SEZ6L: variants seen among roughly 807,000 people sequenced by gnomAD.
SEZ6L encodes the protein seizure 6-like protein.
Under a neutral mutation model 106.2 loss-of-function variants are expected in SEZ6L, and 37 were observed. The observed-to-expected ratio is 0.35, with a 90% CI of 0.27 to 0.46. The LOEUF (loss-of-function observed/expected upper bound fraction) is 0.46, where lower values mean the gene tolerates loss of function less well. SEZ6L is among the 20% of genes least tolerant of loss of function. SEZ6L has a pLI of 1.00. For missense variants in SEZ6L, 1,172 were observed against 1,332.8 expected, an observed-to-expected ratio of 0.88 and a Z score of 1.88; for synonymous variants, 541 against 570.4, an observed-to-expected ratio of 0.95 and a Z score of 0.73.
intron 10 of SEZ6L, among the ~76,000 whole-genome samples, chr22:26,344,961 T>C (rs2082959684): frequency 1.3e-5 from 2 of 152,216 alleles, no homozygotes; most frequent in Admixed American, 6.5e-5. Flanking sequence ...AGTTTTCTAA[T>C]TCTTAGTAAA....
At chr22:26,171,103 C>T (rs899272016) in intron 1 of SEZ6L, among the ~76,000 whole-genome samples, 4 of 152,204 alleles carry the variant, frequency 2.6e-5, no homozygotes, top group African/African-American at 9.7e-5. Context: ...CCCATCTCCC[C>T]GTCTTTTTAA....
chr22:26,236,878 G>C (rs1569407047), intron 1 of SEZ6L, among the ~76,000 whole-genome samples: 1 of 152,114 alleles, frequency 6.6e-6, no homozygotes, highest in East Asian at 1.9e-4. Flanking sequence ...TGTCCATGCA[G>C]AAGCCCCCAT....
At chr22:26,321,068 G>T (rs775608617) in intron 9 of SEZ6L, among the ~76,000 whole-genome samples, 10 of 152,228 alleles carry the variant, frequency 6.6e-5, no homozygotes, top group Non-Finnish European at 1.5e-4. Flanking sequence ...CATGTGCTAA[G>T]GTCCAGAGGC....
intron 1 of SEZ6L, among the ~76,000 whole-genome samples, chr22:26,244,933 C>T (rs1307407763): frequency 6.6e-6 from 1 of 152,132 alleles, no homozygotes; most frequent in Non-Finnish European, 1.5e-5. Context: ...TTTGCTCCTT[C>T]AGCAATGGGG....
intron 6 of SEZ6L, 31 bp downstream of exon 6, chr22:26,306,175 G>A (rs374388717): frequency 3.3e-5 from 53 of 1,604,498 alleles, no homozygotes; most frequent in Middle Eastern, 3.3e-4. Flanking sequence ...ACCCAACCCC[G>A]TTTCTTCCCA....
rs2084381354 is a variant in SEZ6L at position 26,380,522 on chromosome 22, C to CT, written c.*228dup. ...GCCTCAGCCAAATTCATGTTACAGCCTCAATTCTGAAGGCAGGTGGAAGAC... is the reference window on the plus strand; with the variant it reads ...GCCTCAGCCAAATTCATGTTACAGCCTTCAATTCTGAAGGCAGGTGGAAGAC... On this transcript the variant is annotated 3_prime_UTR_variant, in exon 17 of 17. Transcript: ENST00000248933. 1 of 431,606 alleles carries CT rather than the reference C, an allele frequency of 2.3e-6. No homozygotes were observed. Among genetic ancestry groups the CT allele is most frequent in the African/African-American group, 2.0e-5 (1 of 50,716 alleles). The allele number at this position is 431,606 out of a possible 1,614,324, so 26.7% of individuals were successfully genotyped here. A position where few individuals can be genotyped will look rare whatever the true frequency, so the allele number is the denominator to read the frequency against.
chr22:26,226,285 G>A (rs999068935), intron 1 of SEZ6L, among the ~76,000 whole-genome samples: 15 of 152,200 alleles, frequency 9.9e-5, no homozygotes, highest in Admixed American at 3.3e-4. Context: ...CCAAAATGAT[G>A]AATGTGATCC....
intron 1 of SEZ6L, among the ~76,000 whole-genome samples, chr22:26,256,869 C>T (rs1378443736): frequency 1.3e-5 from 2 of 152,158 alleles, no homozygotes; most frequent in African/African-American, 4.8e-5. Context: ...AGTTTGTCAT[C>T]GGCTGAGATT....
At chr22:26,268,369 C>T (rs2080255866) in intron 1 of SEZ6L, among the ~76,000 whole-genome samples, 1 of 152,198 alleles carries the variant, frequency 6.6e-6, no homozygotes, top group African/African-American at 2.4e-5. Context: ...TCCACCCCTG[C>T]TTTACCTAAG....
At chr22:26,262,598 T>C (rs1041508076) in intron 1 of SEZ6L, among the ~76,000 whole-genome samples, 2 of 152,186 alleles carry the variant, frequency 1.3e-5, no homozygotes, top group Non-Finnish European at 2.9e-5. Flanking sequence ...GACGTAAGTG[T>C]TACCAGCACA....
At chr22:26,347,698 A>T (rs1216191734) in intron 10 of SEZ6L, 21 bp from the exon 11 acceptor site, 2 of 1,586,724 alleles carry the variant, frequency 1.3e-6, no homozygotes, top group Admixed American at 1.9e-5. Context: ...CCCATCTAAG[A>T]CTGACGTTTC....
At position 26,382,188 on chromosome 22, in the gene SEZ6L, A is replaced by G. The variant is rs756260084; in HGVS notation, c.*1893A>G. 2.6e-6 allele frequency: 1 copy of G among 383,440 alleles called. No homozygotes were observed. The highest frequency in any genetic ancestry group is 5.2e-6 in the Non-Finnish European group (1 of 193,396). The allele number at this position is 383,440 out of a possible 1,614,324, so 23.8% of individuals were successfully genotyped here. ...GACCCAAAGCCCCATTTAATGCAAGAACCAGAGAAGTGTTCTAGGCCATTA... is the reference window on the plus strand; with the variant it reads ...GACCCAAAGCCCCATTTAATGCAAGGACCAGAGAAGTGTTCTAGGCCATTA... On this transcript the variant is annotated 3_prime_UTR_variant, in exon 17 of 17. Transcript: ENST00000248933.
chr22:26,182,964 G>A (rs1449185571), intron 1 of SEZ6L, among the ~76,000 whole-genome samples: 1 of 152,082 alleles, frequency 6.6e-6, no homozygotes, highest in East Asian at 1.9e-4. Context: ...TCTTAGCAAG[G>A]GGCTTCCAGA....
chr22:26,207,046 A>G lies in SEZ6L; in HGVS notation c.94+37283A>G, dbSNP rs185848166. On this transcript the variant is annotated intron_variant, in intron 1 of 16. Coordinates refer to ENST00000248933, the MANE Select transcript of SEZ6L (RefSeq NM_021115.5). The stretch of plus-strand genomic sequence containing the variant: ...TAAAATTTTGTTTAAAGCAAAAAGC[A>G]TAAATTCAATATTAGCTTTACTAGG... 6.0e-4 allele frequency among the ~76,000 whole-genome samples: 92 copies of G among 152,368 alleles called. 1 individual carries two copies. Among genetic ancestry groups the G allele is most frequent in the African/African-American group, 2.1e-3 (87 of 41,590 alleles).
chr22:26,379,555 G>A (rs1247898626), intron 16 of SEZ6L, among the ~76,000 whole-genome samples: 1 of 152,226 alleles, frequency 6.6e-6, no homozygotes, highest in Non-Finnish European at 1.5e-5. Context: ...AACTTCCAGG[G>A]CTGAGCCTTC....
intron 5 of SEZ6L, among the ~76,000 whole-genome samples, chr22:26,299,374 A>G (rs2081387241): frequency 6.6e-6 from 1 of 152,222 alleles, no homozygotes; most frequent in Non-Finnish European, 1.5e-5. Context: ...ACATTTTAGT[A>G]TGTTCACGCT....
intron 1 of SEZ6L, among the ~76,000 whole-genome samples, chr22:26,201,608 G>A (rs762341321): frequency 4.6e-5 from 7 of 151,936 alleles, no homozygotes; most frequent in Non-Finnish European, 7.4e-5. Context: ...TCTGGAGGCG[G>A]TAGAAGGGTG....
At chr22:26,248,162 G>A (rs1602151524) in intron 1 of SEZ6L, among the ~76,000 whole-genome samples, 2 of 152,326 alleles carry the variant, frequency 1.3e-5, no homozygotes, top group South Asian at 4.1e-4. Context: ...CTGTGTGCCA[G>A]GTAGTTCGTA....
At chr22:26,308,905 G>T (rs929413331) in intron 6 of SEZ6L, among the ~76,000 whole-genome samples, 2 of 152,112 alleles carry the variant, frequency 1.3e-5, no homozygotes, top group Admixed American at 1.3e-4. Flanking sequence ...CCAACACACA[G>T]CCCCTAAGAT....
Sources: gnomAD v4.1 joint callset for allele counts (sites outside exome capture counted in the v4.1 genomes callset) on GRCh38, gnomAD v4.1.1 for gene constraint, MANE v1.5 for transcripts, NCBI Gene and HGNC (gene_info 2026-07-23, HGNC 2026-07-21) for gene names.